CTNNA2: variants seen among roughly 807,000 people sequenced by gnomAD.
The protein encoded by CTNNA2 is catenin alpha-2.
A neutral mutation model predicts 101.0 loss-of-function variants in CTNNA2; 42 were observed. The observed-to-expected ratio is 0.42, with a 90% confidence interval of 0.32 to 0.54. The LOEUF is 0.54. CTNNA2 is among the 20% of genes least tolerant of loss of function. The pLI is 0.14. For missense variants in CTNNA2, 871 were observed against 1,223.1 expected, an observed-to-expected ratio of 0.71 and a Z score of 4.29; for synonymous variants, 450 against 456.4, an observed-to-expected ratio of 0.99 and a Z score of 0.18.
At chr2:79,430,261 A>T (rs1678645877) in intron 4 of CTNNA2, among the ~76,000 whole-genome samples, 1 of 152,138 alleles carries the variant, frequency 6.6e-6, no homozygotes, top group South Asian at 2.1e-4. Flanking sequence ...CAAAGGCCCG[A>T]GGGACAAAAG....
At chr2:79,221,498 G>A (rs1674345107) in intron 2 of CTNNA2, among the ~76,000 whole-genome samples, 1 of 152,150 alleles carries the variant, frequency 6.6e-6, no homozygotes, top group African/African-American at 2.4e-5. Context: ...TATACTTGCA[G>A]TTGTACTTAA....
intron 1 of CTNNA2, among the ~76,000 whole-genome samples, chr2:79,579,071 T>C (rs1430757703): frequency 6.6e-6 from 1 of 151,494 alleles, no homozygotes; most frequent in Admixed American, 6.6e-5. Context: ...TCTTTCCTTT[T>C]CTTCCTCCTC....
At chr2:79,841,218 A>G (rs2103843251) in intron 3 of CTNNA2, among the ~76,000 whole-genome samples, 1 of 152,334 alleles carries the variant, frequency 6.6e-6, no homozygotes, top group Admixed American at 6.5e-5. Context: ...GTCAAACAAG[A>G]AAACAGTATC....
At chr2:79,937,039 A>T (rs1687839770) in intron 7 of CTNNA2, among the ~76,000 whole-genome samples, 1 of 152,210 alleles carries the variant, frequency 6.6e-6, no homozygotes, top group Admixed American at 6.5e-5. Context: ...TGACCTCCAG[A>T]TGTCTTTTTA....
chr2:79,391,661 A>T (rs972813768), intron 4 of CTNNA2, among the ~76,000 whole-genome samples: 2 of 152,130 alleles, frequency 1.3e-5, no homozygotes, highest in African/African-American at 2.4e-5. Flanking sequence ...TCTTGATTTT[A>T]TAGATGAGGA....
At chr2:80,331,044 C>G (rs1344232724) in intron 7 of CTNNA2, among the ~76,000 whole-genome samples, 1 of 148,012 alleles carries the variant, frequency 6.8e-6, no homozygotes, top group Admixed American at 6.7e-5. Context: ...TTTTTTCCTT[C>G]CCCGGCTGCA....
intron 2 of CTNNA2, among the ~76,000 whole-genome samples, chr2:79,215,151 G>GA (rs1213722739): frequency 6.6e-6 from 1 of 152,180 alleles, no homozygotes; most frequent in Non-Finnish European, 1.5e-5. Flanking sequence ...GGGGCTCTGG[G>GA]AGTGGCTGCC....
At chr2:79,351,896 T>C (rs547080490) in intron 3 of CTNNA2, among the ~76,000 whole-genome samples, 1 of 152,222 alleles carries the variant, frequency 6.6e-6, no homozygotes, top group African/African-American at 2.4e-5. Flanking sequence ...GGAATGAACA[T>C]ACAGACACAT....
chr2:80,000,208 T>C (rs1692848576), intron 7 of CTNNA2, among the ~76,000 whole-genome samples: 1 of 152,046 alleles, frequency 6.6e-6, no homozygotes, highest in Non-Finnish European at 1.5e-5. Context: ...TTTTGCCGAG[T>C]GGTAGAAATG....
At chr2:79,989,177 C>T (rs1035412126) in intron 7 of CTNNA2, among the ~76,000 whole-genome samples, 2 of 152,122 alleles carry the variant, frequency 1.3e-5, no homozygotes, top group African/African-American at 2.4e-5. Flanking sequence ...TAACAAGTAA[C>T]GGTTTCATAA....
intron 9 of CTNNA2, among the ~76,000 whole-genome samples, chr2:80,535,649 T>C (rs191342859): frequency 5.3e-5 from 8 of 152,280 alleles, no homozygotes; most frequent in African/African-American, 1.9e-4. Context: ...AGATGCCTTA[T>C]AGAGGTCATT....
chr2:80,038,217 T>C (rs1695793488), intron 7 of CTNNA2, among the ~76,000 whole-genome samples: 1 of 152,196 alleles, frequency 6.6e-6, no homozygotes, highest in African/African-American at 2.4e-5. Flanking sequence ...GCACAGCATG[T>C]AATGTTTGTC....
intron 7 of CTNNA2, among the ~76,000 whole-genome samples, chr2:79,934,562 C>T (rs1467507145): frequency 6.6e-6 from 1 of 152,204 alleles, no homozygotes; most frequent in Non-Finnish European, 1.5e-5. Flanking sequence ...ATTGTCCTTA[C>T]ATCATTCCAA....
At chr2:80,294,516 AG>A (rs1675563897) in intron 7 of CTNNA2, among the ~76,000 whole-genome samples, 1 of 152,050 alleles carries the variant, frequency 6.6e-6, no homozygotes, top group Non-Finnish European at 1.5e-5. Flanking sequence ...GTCTTTTTAA[AG>A]AGCTGCAGTC....
At chr2:79,663,594 G>A (rs1421661662) in intron 2 of CTNNA2, among the ~76,000 whole-genome samples, 1 of 152,056 alleles carries the variant, frequency 6.6e-6, no homozygotes, top group African/African-American at 2.4e-5. Context: ...CGGCTACCAT[G>A]TATCATTCTC....
intron 1 of CTNNA2, among the ~76,000 whole-genome samples, chr2:79,610,039 C>T (rs1375588749): frequency 6.6e-6 from 1 of 151,948 alleles, no homozygotes; most frequent in Non-Finnish European, 1.5e-5. Context: ...TGATAAAGAA[C>T]TTATGTCCAG....
chr2:80,180,488 G>A (rs1309321957), intron 7 of CTNNA2, among the ~76,000 whole-genome samples: 2 of 152,098 alleles, frequency 1.3e-5, no homozygotes, highest in Non-Finnish European at 2.9e-5. Flanking sequence ...TGTCCATTAC[G>A]GTAACTATGC....
intron 2 of CTNNA2, among the ~76,000 whole-genome samples, chr2:79,732,596 C>T (rs923062988): frequency 1.3e-5 from 2 of 151,904 alleles, no homozygotes; most frequent in African/African-American, 4.8e-5. Context: ...GTATTACATA[C>T]ATTATACAAT....
At chr2:79,485,038 G>C (rs2104559304) in intron 4 of CTNNA2, among the ~76,000 whole-genome samples, 1 of 152,200 alleles carries the variant, frequency 6.6e-6, no homozygotes. Flanking sequence ...ACCATAGATA[G>C]CCATCAGTTT....
Sources: allele counts gnomAD v4.1 joint callset (sites outside exome capture counted in the v4.1 genomes callset), GRCh38; gene constraint gnomAD v4.1.1; transcripts MANE v1.5; gene names NCBI Gene and HGNC (gene_info 2026-07-23, HGNC 2026-07-21).